The following PPP1R36 variants were observed in gnomAD, a reference collection of about 807,000 sequenced individuals.
PPP1R36 encodes protein phosphatase 1 regulatory subunit 36.
PPP1R36 carries 47 observed loss-of-function variants against 53.4 expected under a neutral mutation model. That is an observed-to-expected ratio of 0.88 (90% CI 0.70 to 1.12). The LOEUF is 1.12. Ranked by LOEUF, PPP1R36 falls within the 50% of genes most tolerant of loss-of-function variation. PPP1R36 has a pLI of 0.00. For missense variants in PPP1R36, 456 were observed against 513.9 expected (o/e 0.89, Z 1.09); for synonymous variants, 153 against 170.5 (o/e 0.90, Z 0.80).
At chr14:64,581,262 T>C (rs752595530) in intron 8 of PPP1R36, among the ~76,000 whole-genome samples, 4 of 152,196 alleles carry the variant, frequency 2.6e-5, no homozygotes, top group Non-Finnish European at 4.4e-5. Context: ...TTTTAAAAAC[T>C]TGGGGTCTGC....
intron 3 of PPP1R36, among the ~76,000 whole-genome samples, chr14:64,559,897 G>A (rs1400966021): frequency 6.6e-6 from 1 of 151,892 alleles, no homozygotes; most frequent in Non-Finnish European, 1.5e-5. Context: ...GAGGTCAGGA[G>A]TTCAAGACCA....
At chr14:64,566,976 T>G (rs2080263605) in intron 6 of PPP1R36, among the ~76,000 whole-genome samples, 1 of 152,258 alleles carries the variant, frequency 6.6e-6, no homozygotes, top group Non-Finnish European at 1.5e-5. Flanking sequence ...GTTGGCTTCC[T>G]TTCCTTTCCT....
At chr14:64,564,874 A>G in intron 4 of PPP1R36, 37 bp downstream of exon 4, 1 of 1,370,754 alleles carries the variant, frequency 7.3e-7, no homozygotes, top group Non-Finnish European at 1.0e-6. Flanking sequence ...AGTTGCTGAT[A>G]GCATCTCTCA....
At chr14:64,563,628 G>A (rs1196018612) in intron 3 of PPP1R36, among the ~76,000 whole-genome samples, 1 of 152,106 alleles carries the variant, frequency 6.6e-6, no homozygotes, top group African/African-American at 2.4e-5. Context: ...ACTGTCATGG[G>A]GAGGTATTTA....
intron 8 of PPP1R36, among the ~76,000 whole-genome samples, chr14:64,575,831 T>C (rs887801308): frequency 1.3e-5 from 2 of 151,984 alleles, no homozygotes; most frequent in East Asian, 1.9e-4. Flanking sequence ...TTTGTATTTT[T>C]AGTAGAGACA....
rs1036189434 is a variant in PPP1R36, at chr14:64,553,011, G to A, written c.182+150G>A. On this transcript the variant is annotated intron_variant, in intron 3 of 11. Coordinates refer to ENST00000298705, the MANE Select transcript of PPP1R36 (RefSeq NM_172365.3). ...TTTGAGATAGAGTCTCACTCCTGTT[G>A]CCCAGGCTGGTGGACAGTGGCATGA... The A allele has an allele frequency of 5.4e-5, 32 of 587,670 alleles. No homozygotes were observed. The African/African-American group carries it at 5.6e-4, about 10-fold the overall frequency. The allele number at this position is 587,670 out of a possible 1,614,324, so 36.4% of individuals were successfully genotyped here.
chr14:64,570,266 G>A (rs1400083645), intron 7 of PPP1R36, among the ~76,000 whole-genome samples: 3 of 152,072 alleles, frequency 2.0e-5, no homozygotes, highest in African/African-American at 2.4e-5. Flanking sequence ...AGTGGATCAC[G>A]AGGTCAGGAG....
chr14:64,588,555 AT>A (rs34440209), intron 11 of PPP1R36: 15,350 of 149,258 alleles, frequency 0.1, 242 homozygotes, highest in African/African-American at 0.13. Flanking sequence ...TGAGTAACTG[AT>A]TTTTTTTTTT....
chr14:64,587,253 A>G lies in PPP1R36; in HGVS notation c.771A>G (p.Thr257=). ...AWIVFRRQHL[T]EIEEEVGRLF... ...TTGTCTTCCGACGTCAACACTTGAC[A>G]GAGATTGAAGAAGAAGTAGGGAGAC... The change falls in exon 10 of 12, where the codon ACA becomes ACG. Residue 257 remains threonine (T), a synonymous_variant. Transcript: ENST00000298705. The G allele has an allele frequency of 1.2e-6, 2 of 1,613,646 alleles. No homozygotes were observed. The highest frequency in any genetic ancestry group is 1.6e-4 in the Middle Eastern group (1 of 6,062).
intron 10 of PPP1R36, 52 bp downstream of exon 10, chr14:64,587,424 C>A: frequency 1.4e-6 from 1 of 690,946 alleles, no homozygotes; most frequent in Non-Finnish European, 2.1e-6. Flanking sequence ...TCTTCCTTTC[C>A]TTTCTTTTCT....
intron 7 of PPP1R36, among the ~76,000 whole-genome samples, chr14:64,571,946 C>T (rs2080307103): frequency 6.6e-6 from 1 of 152,108 alleles, no homozygotes. Flanking sequence ...AGACCCGCCA[C>T]GATGATTCAG....
chr14:64,552,989 G>C (rs1318044786), intron 3 of PPP1R36, 128 bp downstream of exon 3: 1 of 671,980 alleles, frequency 1.5e-6, no homozygotes. Flanking sequence ...TTTTTTTTTT[G>C]AGATAGAGTC....
chr14:64,565,406 G>A lies in PPP1R36; in HGVS notation c.319G>A (p.Val107Ile), dbSNP rs752049405. The A allele has an allele frequency of 1.7e-5, 27 of 1,613,570 alleles. No individual in the cohort carries two copies. The Admixed American group carries it at 2.5e-4, about 15-fold the overall frequency. ...AAAAGATGATAAGTCAGCTAAAGCT[G>A]TAGAGAAACGAGGTCAACAGGGCAC... ...AAKDDKSAKA[V>I]EKRGQQGTIT... The change falls in exon 5 of 12, where the codon GTA becomes ATA. Residue 107 changes from valine (V) to isoleucine (I), a missense_variant. Transcript: ENST00000298705.
At chr14:64,561,784 C>T (rs1364354071) in intron 3 of PPP1R36, 3 of 455,926 alleles carry the variant, frequency 6.6e-6, no homozygotes, top group Non-Finnish European at 1.3e-5. Flanking sequence ...CTTCTTGCTT[C>T]AAGTGCCCCT....
intron 4 of PPP1R36, 120 bp downstream of exon 4, chr14:64,564,957 A>T: frequency 3.0e-6 from 2 of 672,114 alleles, no homozygotes; most frequent in Non-Finnish European, 5.1e-6. Context: ...GCGAATACCC[A>T]TCAAAGAAAG....
intron 3 of PPP1R36, among the ~76,000 whole-genome samples, chr14:64,559,007 G>A (rs1000702525): frequency 6.6e-5 from 10 of 152,164 alleles, no homozygotes; most frequent in Non-Finnish European, 1.5e-4. Context: ...TAGTGGATCT[G>A]GGACTAAGGG....
intron 8 of PPP1R36, among the ~76,000 whole-genome samples, chr14:64,578,909 T>C (rs888115164): frequency 6.6e-6 from 1 of 152,208 alleles, no homozygotes; most frequent in African/African-American, 2.4e-5. Flanking sequence ...CGTTTACACC[T>C]TGGAATACTC....
In PPP1R36 at chr14:64,550,971, T is replaced by A; in HGVS notation, c.120T>A (p.Thr40=). Residue 40 remains threonine, a synonymous_variant, in exon 2 of 12, where the codon ACT becomes ACA. Coordinates refer to ENST00000298705, the MANE Select transcript of PPP1R36 (RefSeq NM_172365.3). The stretch of plus-strand genomic sequence containing the variant: ...GGTACTGGAAAGATGAAACCAGAAC[T>A]CTTGAATTCAGAAGGTAAAATTTAA... ...GMWYWKDETR[T]LEFRRFAAED... is the part of the protein sequence containing the mutation. The A allele has an allele frequency of 6.2e-7, 1 of 1,605,768 alleles. No individual in the cohort carries two copies. The highest frequency in any genetic ancestry group is 1.1e-5 in the South Asian group (1 of 89,854).
rs10129935 is a variant in PPP1R36, at chr14:64,551,062, T to C, written c.134+77T>C. ...GGGGGAAAAAAAAGCAACAGAAGAG[T>C]ATAGAGAATAAATACCCACTGAACC... is the stretch of plus-strand genomic sequence containing the variant. On this transcript the variant is annotated intron_variant, in intron 2 of 11. Coordinates refer to ENST00000298705, the MANE Select transcript of PPP1R36 (RefSeq NM_172365.3). The C allele has an allele frequency of 1.3e-4, 125 of 946,984 alleles. No homozygotes were observed. In the African/African-American group the frequency reaches 1.9e-3, roughly 15 times the overall value. The allele number at this position is 946,984 out of a possible 1,614,324, so 58.7% of individuals were successfully genotyped here. A position where few individuals can be genotyped will look rare whatever the true frequency, so the allele number is the denominator to read the frequency against.
Sources: allele counts gnomAD v4.1 joint callset (sites outside exome capture counted in the v4.1 genomes callset), GRCh38; gene constraint gnomAD v4.1.1; transcripts MANE v1.5; gene names NCBI Gene and HGNC (gene_info 2026-07-23, HGNC 2026-07-21).